The following PIK3R5 variants were observed in gnomAD, a reference collection of about 807,000 sequenced individuals.
PIK3R5 encodes the protein phosphoinositide-3-kinase regulatory subunit 5, also known as phosphoinositide 3-kinase regulatory subunit 5.
A neutral mutation model predicts 94.9 loss-of-function variants in PIK3R5; 32 were observed. The observed-to-expected ratio is 0.34, with a 90% CI of 0.25 to 0.45. The LOEUF (loss-of-function observed/expected upper bound fraction) is 0.45. Ranked by LOEUF, PIK3R5 falls within the 20% of genes least tolerant of loss-of-function variation. The pLI is 1.00. For missense variants in PIK3R5, 853 were observed against 1,144.6 expected, an observed-to-expected ratio of 0.75 and a Z score of 3.68; for synonymous variants, 443 against 479.4, an observed-to-expected ratio of 0.92 and a Z score of 0.99.
At chr17:8,917,022 C>T (rs1461272805) in intron 1 of PIK3R5, among the ~76,000 whole-genome samples, 1 of 152,202 alleles carries the variant, frequency 6.6e-6, no homozygotes, top group African/African-American at 2.4e-5. Context: ...TCTCCTGCTT[C>T]TTACCTTCCG....
At chr17:8,931,000 T>G (rs2090977235) in intron 1 of PIK3R5, among the ~76,000 whole-genome samples, 1 of 152,174 alleles carries the variant, frequency 6.6e-6, no homozygotes, top group Non-Finnish European at 1.5e-5. Context: ...TCGTATTTGT[T>G]TTGCAAGATG....
chr17:8,893,493 G>T lies in PIK3R5; in HGVS notation c.482+93C>A. On this transcript the variant is annotated intron_variant, in intron 6 of 18. Transcript: ENST00000447110. This position sits in a 1 kb window ranked among gnomAD's most constrained non-coding sequence, Gnocchi z 5.1. ...GGGGTGGACAGGGGGTGGGGGCACT[G>T]GATGTTTGAGTGGGGGAGGAGGGTG... The T allele has an allele frequency of 2.0e-6, 2 of 1,011,010 alleles. No homozygotes were observed. The highest frequency in any genetic ancestry group is 3.1e-6 in the Non-Finnish European group (2 of 641,482). The allele number at this position is 1,011,010 out of a possible 1,614,324, so 62.6% of individuals were successfully genotyped here. A position where few individuals can be genotyped will look rare whatever the true frequency, so the allele number is the denominator to read the frequency against.
In PIK3R5 at chr17:8,911,679, G is replaced by A. The variant is rs1243989460; in HGVS notation, c.-13-172C>T. ...TTACAGCTGCCTCCAGGGTAGGAATGGCATCTGGAGGGCCACATCTGAGTG... is the reference window on the plus strand; with the variant it reads ...TTACAGCTGCCTCCAGGGTAGGAATAGCATCTGGAGGGCCACATCTGAGTG... On this transcript the variant is annotated intron_variant, in intron 1 of 18. Coordinates refer to ENST00000447110, the MANE Select transcript of PIK3R5 (RefSeq NM_001142633.3). This position sits in a 1 kb window ranked among gnomAD's most constrained non-coding sequence, Gnocchi z 5.3. 8.8e-6 allele frequency: 5 copies of A among 568,696 alleles called. No homozygotes were observed. The East Asian group carries it at 1.2e-4, about 13-fold the overall frequency. The allele number at this position is 568,696 out of a possible 1,614,324, so 35.2% of individuals were successfully genotyped here.
chr17:8,889,942 T>A lies in PIK3R5; in HGVS notation c.811+31A>T. The A allele has an allele frequency of 6.2e-7, 1 of 1,611,092 alleles. No individual in the cohort carries two copies. On this transcript the variant is annotated intron_variant, in intron 8 of 18. Transcript: ENST00000447110. This position sits in a 1 kb window ranked among gnomAD's most constrained non-coding sequence, Gnocchi z 4.1. ...GACCTAGAATAGGCCATGGGGAATGTGGGAGAACCCCATTCTCCCAAGAGC... is the reference window on the plus strand; with the variant it reads ...GACCTAGAATAGGCCATGGGGAATGAGGGAGAACCCCATTCTCCCAAGAGC...
intron 1 of PIK3R5, among the ~76,000 whole-genome samples, chr17:8,941,257 A>T (rs902610929): frequency 3.3e-5 from 5 of 152,216 alleles, no homozygotes; most frequent in African/African-American, 1.2e-4. Flanking sequence ...CAGGCTCCAC[A>T]GAGGCACGTG....
Position 8,893,715 on chromosome 17 carries a change from G to T in PIK3R5, c.413-60C>A. 1 of 1,306,328 alleles carries T rather than the reference G, an allele frequency of 7.7e-7. No homozygotes were observed. The highest frequency in any genetic ancestry group is 1.1e-6 in the Non-Finnish European group (1 of 902,222). The allele number at this position is 1,306,328 out of a possible 1,614,324, so 80.9% of individuals were successfully genotyped here. ...TCAGTTCCTTCAGCATCGTCCGTGT[G>T]CCTCGTGGGGAGCCAAGCACTGGAC... On this transcript the variant is annotated intron_variant, in intron 5 of 18. Transcript: ENST00000447110. This position sits in a 1 kb window ranked among gnomAD's most constrained non-coding sequence, Gnocchi z 5.1.
At chr17:8,924,134 A>G (rs1272480372) in intron 1 of PIK3R5, among the ~76,000 whole-genome samples, 5 of 139,796 alleles carry the variant, frequency 3.6e-5, no homozygotes, top group Non-Finnish European at 7.6e-5. Flanking sequence ...GCTGGAGTGC[A>G]GTGGTGTGAT....
rs1368212500 is a variant in PIK3R5, at chr17:8,890,704, T to A, written c.657+34A>T. 1 of 1,564,364 alleles carries A rather than the reference T, an allele frequency of 6.4e-7. No homozygotes were observed. The highest frequency in any genetic ancestry group is 1.8e-5 in the Admixed American group (1 of 54,368). On this transcript the variant is annotated intron_variant, in intron 7 of 18. Transcript: ENST00000447110. This position sits in a 1 kb window ranked among gnomAD's most constrained non-coding sequence, Gnocchi z 6.1. ...AGAGGGTGCTACCTCCTCAGAGAGG[T>A]GCTCCACCAGAGCCCCAGGCCCCAG...
chr17:8,956,289 A>G (rs1039820077), intron 1 of PIK3R5, among the ~76,000 whole-genome samples: 5 of 151,424 alleles, frequency 3.3e-5, no homozygotes, highest in African/African-American at 9.7e-5. Flanking sequence ...ACCTGAAAGG[A>G]AGCCTTCCAG....
At chr17:8,903,019 A>AT (rs1367077635) in intron 5 of PIK3R5, among the ~76,000 whole-genome samples, 1 of 151,372 alleles carries the variant, frequency 6.6e-6, no homozygotes, top group East Asian at 1.9e-4. Context: ...CTAATTTTCT[A>AT]TTTTTAGTAG....
chr17:8,936,636 A>T (rs1300986309), intron 1 of PIK3R5, among the ~76,000 whole-genome samples: 1 of 152,172 alleles, frequency 6.6e-6, no homozygotes, highest in Non-Finnish European at 1.5e-5. Context: ...CATTGTATGG[A>T]TGCACCTTTA....
At chr17:8,946,859 C>T (rs2091281537) in intron 1 of PIK3R5, among the ~76,000 whole-genome samples, 2 of 152,184 alleles carry the variant, frequency 1.3e-5, no homozygotes, top group South Asian at 2.1e-4. Flanking sequence ...TCAAGGAGGA[C>T]TCCTGACAAG....
chr17:8,934,889 A>T (rs1197109489), intron 1 of PIK3R5, among the ~76,000 whole-genome samples: 1 of 152,182 alleles, frequency 6.6e-6, no homozygotes, highest in Non-Finnish European at 1.5e-5. Context: ...TCAAGCCCAT[A>T]ACATGGCTCA....
chr17:8,898,685 G>A lies in PIK3R5; in HGVS notation c.413-5030C>T, dbSNP rs376483982. 2.6e-4 allele frequency among the ~76,000 whole-genome samples: 39 copies of A among 152,266 alleles called. No individual in the cohort carries two copies. In the South Asian group the frequency reaches 8.1e-3, roughly 32 times the overall value. On this transcript the variant is annotated intron_variant, in intron 5 of 18. Transcript: ENST00000447110. ...GCTTCATATGCCATAAGCAACCCTGGCATCATTGCTGTCCTCCTCGTCATC... is the reference window on the plus strand; with the variant it reads ...GCTTCATATGCCATAAGCAACCCTGACATCATTGCTGTCCTCCTCGTCATC...
intron 1 of PIK3R5, among the ~76,000 whole-genome samples, chr17:8,961,477 A>G (rs2091562804): frequency 6.6e-6 from 1 of 152,172 alleles, no homozygotes; most frequent in Admixed American, 6.5e-5. Flanking sequence ...TCTACTAAAA[A>G]TACAAAAATT....
In PIK3R5 at chr17:8,881,516, T is replaced by C; in HGVS notation, c.2382+114A>G. 1 of 825,478 alleles carries C rather than the reference T, an allele frequency of 1.2e-6. No homozygotes were observed. Among genetic ancestry groups the C allele is most frequent in the Non-Finnish European group, 2.0e-6 (1 of 492,706 alleles). The allele number at this position is 825,478 out of a possible 1,614,324, so 51.1% of individuals were successfully genotyped here. On this transcript the variant is annotated intron_variant, in intron 17 of 18. Transcript: ENST00000447110. The surrounding 1 kb of genome is among the most constrained non-coding windows in gnomAD (Gnocchi z 4.8). ...ACACACAAGTATGTACACACGGGTG[T>C]GTATGTGCACACATGCACACACATA...
At chr17:8,932,609 A>G (rs942000228) in intron 1 of PIK3R5, among the ~76,000 whole-genome samples, 18 of 152,222 alleles carry the variant, frequency 1.2e-4, no homozygotes, top group Non-Finnish European at 4.4e-5. Flanking sequence ...AGAAAAGTTC[A>G]TTGGATGGAC....
chr17:8,941,712 C>T (rs935336392), intron 1 of PIK3R5, among the ~76,000 whole-genome samples: 3 of 152,154 alleles, frequency 2.0e-5, no homozygotes, highest in Non-Finnish European at 4.4e-5. Context: ...GCAATGATCC[C>T]GAGAGGAGTG....
Position 8,945,955 on chromosome 17 carries a change from C to G in PIK3R5, c.-14+19641G>C, listed in dbSNP as rs1459963112. The stretch of plus-strand genomic sequence containing the variant: ...GACGTTGCCATGATGTAAGGAAGCC[C>G]AAACCACATGGAGAGGCCCCTTGTA... On this transcript the variant is annotated intron_variant, in intron 1 of 18. Coordinates refer to ENST00000447110, the MANE Select transcript of PIK3R5 (RefSeq NM_001142633.3). The surrounding 1 kb of genome is among the most constrained non-coding windows in gnomAD (Gnocchi z 4.0). Among the ~76,000 whole-genome samples, 1 of 152,120 alleles carries G rather than the reference C, an allele frequency of 6.6e-6. No individual in the cohort carries two copies. Among genetic ancestry groups the G allele is most frequent in the South Asian group, 2.1e-4 (1 of 4,824 alleles).
Sources: allele counts gnomAD v4.1 joint callset (sites outside exome capture counted in the v4.1 genomes callset), GRCh38; gene constraint gnomAD v4.1.1; non-coding constraint Gnocchi (gnomAD v3.1); transcripts MANE v1.5; gene names NCBI Gene and HGNC (gene_info 2026-07-23, HGNC 2026-07-21).